Variants in SMAD3 observed in about 807,000 individuals in gnomAD.
The protein encoded by SMAD3 is SMAD family member 3.
A neutral mutation model predicts 51.8 loss-of-function variants in SMAD3; 12 were observed. That is an observed-to-expected ratio of 0.23 (90% CI 0.15 to 0.38). The LOEUF is 0.38. Ranked by LOEUF, SMAD3 falls within the 10% of genes least tolerant of loss-of-function variation. The pLI is 1.00. For synonymous variants in SMAD3, 238 were observed against 227.7 expected (o/e 1.05, Z -0.41); for missense variants, 294 against 565.6 (o/e 0.52, Z 4.87).
intron 1 of SMAD3, among the ~76,000 whole-genome samples, chr15:67,093,153 C>T (rs1465840): frequency 0.61 from 93,002 of 152,052 alleles, 28,764 homozygotes; most frequent in East Asian, 0.79. Flanking sequence ...GGGAAGGAAC[C>T]CTGGTGTCAG....
At chr15:67,073,226 T>C (rs1321787451) in intron 1 of SMAD3, among the ~76,000 whole-genome samples, 1 of 152,252 alleles carries the variant, frequency 6.6e-6, no homozygotes, top group East Asian at 1.9e-4. Flanking sequence ...TTGTTTCGAC[T>C]TAACAGTTTG....
chr15:67,190,598 A>C lies in SMAD3; in HGVS notation c.*62A>C. ...AAAATGGCCATGCAGGAGGTGGAGA[A>C]AATTGGAACTCTACTCAACCCATTG... On this transcript the variant is annotated 3_prime_UTR_variant, in exon 9 of 9. Transcript: ENST00000327367. 6.5e-7 allele frequency: 1 copy of C among 1,548,330 alleles called. No homozygotes were observed. The highest frequency in any genetic ancestry group is 8.9e-7 in the Non-Finnish European group (1 of 1,122,058).
At chr15:67,184,686 G>A in intron 6 of SMAD3, 41 bp from the exon 7 acceptor site, 1 of 1,612,908 alleles carries the variant, frequency 6.2e-7, no homozygotes, top group Non-Finnish European at 8.5e-7. Flanking sequence ...CATTGTGTGT[G>A]AGCAAAGGCA....
intron 1 of SMAD3, among the ~76,000 whole-genome samples, chr15:67,156,232 G>A (rs1437950200): frequency 2.6e-5 from 4 of 152,208 alleles, no homozygotes; most frequent in African/African-American, 4.8e-5. Flanking sequence ...GATGGGAAAT[G>A]TAAAGATACA....
Position 67,138,265 on chromosome 15 carries a change from C to T in SMAD3, c.207-26630C>T, listed in dbSNP as rs1160885083. 1.3e-5 allele frequency: 8 copies of T among 597,510 alleles called. No individual in the cohort carries two copies. The East Asian group carries it at 2.0e-4, about 15-fold the overall frequency. The allele number at this position is 597,510 out of a possible 1,614,324, so 37.0% of individuals were successfully genotyped here. ...GTCAGGAAGCAACTGTAGGAAACCC[C>T]CTGTGTGGGTGAAGCAGAGGCGTCG... On this transcript the variant is annotated intron_variant, in intron 1 of 8. Transcript: ENST00000327367.
At chr15:67,125,740 G>C (rs1028146655) in intron 1 of SMAD3, 2 of 985,594 alleles carry the variant, frequency 2.0e-6, no homozygotes, top group African/African-American at 1.7e-5. Flanking sequence ...GCTTGCTGGA[G>C]GAGGATGACA....
At chr15:67,069,663 C>T (rs1392480547) in intron 1 of SMAD3, among the ~76,000 whole-genome samples, 3 of 151,944 alleles carry the variant, frequency 2.0e-5, no homozygotes, top group Non-Finnish European at 4.4e-5. Context: ...AGAATTGAAG[C>T]AAACACTAGG....
chr15:67,150,868 TTTTTTG>T (rs1962120720), intron 1 of SMAD3, among the ~76,000 whole-genome samples: 1 of 122,088 alleles, frequency 8.2e-6, no homozygotes, highest in African/African-American at 3.0e-5. Flanking sequence ...TTTTTTTTTT[TTTTTTG>T]AGATGGAGTC....
intron 1 of SMAD3, among the ~76,000 whole-genome samples, chr15:67,104,237 TGG>T (rs1399203832): frequency 3.9e-5 from 6 of 152,134 alleles, no homozygotes; most frequent in Admixed American, 3.9e-4. Context: ...GCACAATGCT[TGG>T]TATTACAAGG....
At chr15:67,091,641 A>G (rs1043322533) in intron 1 of SMAD3, among the ~76,000 whole-genome samples, 5 of 152,124 alleles carry the variant, frequency 3.3e-5, no homozygotes, top group Non-Finnish European at 7.3e-5. Context: ...TAAATTGTAC[A>G]TTTGGTGTCT....
At chr15:67,071,903 C>G (rs1266273915) in intron 1 of SMAD3, among the ~76,000 whole-genome samples, 1 of 152,190 alleles carries the variant, frequency 6.6e-6, no homozygotes, top group East Asian at 1.9e-4. Flanking sequence ...TCTCATTTCT[C>G]TAGTTAACAC....
At chr15:67,127,589 A>G (rs530288008) in intron 1 of SMAD3, among the ~76,000 whole-genome samples, 2 of 152,314 alleles carry the variant, frequency 1.3e-5, no homozygotes, top group Admixed American at 1.3e-4. Flanking sequence ...GCAATTAGTC[A>G]TATGCAACTC....
intron 1 of SMAD3, among the ~76,000 whole-genome samples, chr15:67,154,894 C>T (rs1962241931): frequency 6.6e-6 from 1 of 152,170 alleles, no homozygotes; most frequent in Non-Finnish European, 1.5e-5. Flanking sequence ...AAAAAATTGT[C>T]TTGCTGTTCT....
intron 1 of SMAD3, among the ~76,000 whole-genome samples, chr15:67,145,850 C>T (rs572340923): frequency 9.2e-5 from 14 of 152,288 alleles, no homozygotes; most frequent in South Asian, 2.1e-4. Context: ...CCCTGCAAGG[C>T]GGCTGGGGCA....
chr15:67,184,136 C>T (rs564293436), intron 6 of SMAD3, among the ~76,000 whole-genome samples: 2 of 147,352 alleles, frequency 1.4e-5, no homozygotes, highest in Non-Finnish European at 3.0e-5. Context: ...GGGTCTCACT[C>T]TGTCTCCCAG....
intron 1 of SMAD3, 142 bp downstream of exon 1, chr15:67,066,502 G>C: frequency 1.4e-6 from 1 of 708,072 alleles, no homozygotes; most frequent in Non-Finnish European, 2.4e-6. Flanking sequence ...TGTGAGAGTG[G>C]GAGAGCGCGG....
chr15:67,170,490 T>C lies in SMAD3; in HGVS notation c.608-64T>C, dbSNP rs552639540. On this transcript the variant is annotated intron_variant, in intron 4 of 8. Coordinates refer to ENST00000327367, the MANE Select transcript of SMAD3 (RefSeq NM_005902.4). ...TACCCCTCCTTGATATGTAAGTGTT[T>C]AGTAACTTGGCTCTCCAGGCCAAGA... is the stretch of plus-strand genomic sequence containing the variant. 40 of 1,340,886 alleles carry C rather than the reference T, an allele frequency of 3.0e-5. No individual in the cohort carries two copies. The South Asian group carries it at 4.0e-4, about 13-fold the overall frequency. 83.1% of individuals were successfully genotyped at this position (1,340,886 alleles called of 1,614,324 possible).
intron 5 of SMAD3, among the ~76,000 whole-genome samples, chr15:67,173,170 C>T (rs1477764075): frequency 4.6e-5 from 7 of 152,110 alleles, no homozygotes; most frequent in Admixed American, 6.5e-5. Context: ...TGTATCCATG[C>T]GCTCAGTCAA....
chr15:67,171,250 G>T (rs1419271075), intron 5 of SMAD3, among the ~76,000 whole-genome samples: 9 of 152,120 alleles, frequency 5.9e-5, no homozygotes, highest in Non-Finnish European at 5.9e-5. Context: ...CCGTATTTAG[G>T]TGTCTTGTTT....
Sources: gnomAD v4.1 joint callset for allele counts (sites outside exome capture counted in the v4.1 genomes callset) on GRCh38, gnomAD v4.1.1 for gene constraint, MANE v1.5 for transcripts, NCBI Gene and HGNC (gene_info 2026-07-23, HGNC 2026-07-21) for gene names.